TRAPPC9: variants seen among roughly 807,000 people sequenced by gnomAD.
The protein encoded by TRAPPC9 is trafficking protein particle complex subunit 9.
TRAPPC9 carries 83 observed loss-of-function variants against 124.0 expected under a neutral mutation model. The ratio of observed to expected loss-of-function variants is 0.67; its 90% confidence interval spans 0.56 to 0.80. The LOEUF (loss-of-function observed/expected upper bound fraction) is 0.80. Among genes scored for constraint, TRAPPC9 ranks in the 30% least tolerant of loss-of-function variants. The pLI is 0.00. For synonymous variants in TRAPPC9, 638 were observed against 617.5 expected, an observed-to-expected ratio of 1.03 and a Z score of -0.49; for missense variants, 1,302 against 1,508.3, an observed-to-expected ratio of 0.86 and a Z score of 2.27.
intron 17 of TRAPPC9, among the ~76,000 whole-genome samples, chr8:140,027,642 A>T (rs1391052410): frequency 6.6e-6 from 1 of 152,196 alleles, no homozygotes; most frequent in Non-Finnish European, 1.5e-5. Flanking sequence ...TCAAGCACAG[A>T]AAAGTTGTAT....
chr8:139,835,537 C>T (rs988984274), intron 21 of TRAPPC9, among the ~76,000 whole-genome samples: 3 of 152,290 alleles, frequency 2.0e-5, no homozygotes, highest in Non-Finnish European at 2.9e-5. Context: ...TTTGTATCCA[C>T]GAGACATCCT....
chr8:139,906,233 A>C (rs10875446), intron 20 of TRAPPC9, among the ~76,000 whole-genome samples: 99,437 of 152,254 alleles, frequency 0.65, 34,546 homozygotes, highest in African/African-American at 0.91. Context: ...CCACCTCCCC[A>C]ACAACAGGTC....
chr8:140,434,276 A>G (rs765831042), intron 4 of TRAPPC9, among the ~76,000 whole-genome samples: 1 of 152,200 alleles, frequency 6.6e-6, no homozygotes, highest in Non-Finnish European at 1.5e-5. Flanking sequence ...CCTATGCAAC[A>G]TGATGACTAA....
chr8:140,238,597 G>A (rs1324078242), intron 16 of TRAPPC9: 2 of 152,238 alleles, frequency 1.3e-5, no homozygotes, highest in Non-Finnish European at 2.9e-5. Flanking sequence ...TCAGAACAAA[G>A]GCGGATAACC....
intron 7 of TRAPPC9, among the ~76,000 whole-genome samples, chr8:140,372,708 G>A (rs1001087918): frequency 6.6e-6 from 1 of 152,208 alleles, no homozygotes; most frequent in Non-Finnish European, 1.5e-5. Context: ...TAAAGAGCTA[G>A]CTCACCTGTT....
At chr8:140,394,511 G>T (rs2069029689) in intron 7 of TRAPPC9, among the ~76,000 whole-genome samples, 1 of 152,214 alleles carries the variant, frequency 6.6e-6, no homozygotes, top group African/African-American at 2.4e-5. Context: ...TTGTGCTCAA[G>T]GTTATGCAGC....
chr8:139,745,134 C>T (rs1818804530), intron 21 of TRAPPC9, among the ~76,000 whole-genome samples: 1 of 152,346 alleles, frequency 6.6e-6, no homozygotes, highest in South Asian at 2.1e-4. Context: ...GGTGAAACAC[C>T]GTCACCAACA....
intron 2 of TRAPPC9, among the ~76,000 whole-genome samples, chr8:140,440,074 C>A (rs1361153330): frequency 6.6e-6 from 1 of 152,126 alleles, no homozygotes; most frequent in Non-Finnish European, 1.5e-5. Flanking sequence ...TTAGCATTTC[C>A]ATTCTGAATA....
rs145257447 is a variant in TRAPPC9 at position 140,449,744 on chromosome 8, T to G, written c.584+1046A>C. ...CATCAGGAGGGAAAAAGTAGCCACA[T>G]ACGCAGGGTGCACAGCCTGGCAATC... On this transcript the variant is annotated intron_variant, in intron 2 of 22. Coordinates refer to ENST00000438773, the MANE Select transcript of TRAPPC9 (RefSeq NM_001160372.4). Among the ~76,000 whole-genome samples, 1,091 of 152,298 alleles carry G rather than the reference T, an allele frequency of 7.2e-3. 13 individuals are homozygous for G. Among genetic ancestry groups the G allele is most frequent in the Middle Eastern group, 0.01 (3 of 294 alleles).
intron 21 of TRAPPC9, among the ~76,000 whole-genome samples, chr8:139,747,286 T>G (rs1461590145): frequency 6.6e-6 from 1 of 151,990 alleles, no homozygotes. Context: ...GCCAATCAGA[T>G]CATACACGTG....
chr8:139,920,573 A>AGC (rs1832444711), intron 19 of TRAPPC9, among the ~76,000 whole-genome samples: 1 of 152,228 alleles, frequency 6.6e-6, no homozygotes, highest in East Asian at 1.9e-4. Flanking sequence ...CAGGGCACAC[A>AGC]GCTGGGGCTC....
intron 19 of TRAPPC9, among the ~76,000 whole-genome samples, chr8:139,923,678 G>A (rs1044641583): frequency 4.6e-5 from 7 of 152,322 alleles, no homozygotes; most frequent in African/African-American, 1.7e-4. Flanking sequence ...GGAGACAGAA[G>A]GTCTGTGTGT....
At chr8:139,843,556 T>G (rs1417034390) in intron 21 of TRAPPC9, among the ~76,000 whole-genome samples, 5 of 152,180 alleles carry the variant, frequency 3.3e-5, no homozygotes, top group East Asian at 3.9e-4. Context: ...GACAGGAAGC[T>G]CATCCTGAAT....
chr8:139,763,970 C>T (rs1056337549), intron 21 of TRAPPC9, among the ~76,000 whole-genome samples: 2 of 152,166 alleles, frequency 1.3e-5, no homozygotes, highest in Non-Finnish European at 2.9e-5. Flanking sequence ...TTGATCTTGG[C>T]CTTGTGAAGG....
rs889076406 is a variant in TRAPPC9, at chr8:139,831,631, C to T, written c.3055+54248G>A. Among the ~76,000 whole-genome samples, 6 of 152,292 alleles carry T rather than the reference C, an allele frequency of 3.9e-5. No individual in the cohort carries two copies. In the East Asian group the frequency reaches 7.8e-4, roughly 20 times the overall value. On this transcript the variant is annotated intron_variant, in intron 21 of 22. Coordinates refer to ENST00000438773, the MANE Select transcript of TRAPPC9 (RefSeq NM_001160372.4). Reference sequence around the variant, plus strand: ...CCACAGCCTGTGGGAACACCCCCACCGCCGCAGCCTGTGCCAGCCTCTCCA... The same window carrying T: ...CCACAGCCTGTGGGAACACCCCCACTGCCGCAGCCTGTGCCAGCCTCTCCA...
At chr8:140,084,049 C>T (rs1051910462) in intron 17 of TRAPPC9, among the ~76,000 whole-genome samples, 1 of 152,088 alleles carries the variant, frequency 6.6e-6, no homozygotes, top group Non-Finnish European at 1.5e-5. Context: ...TCACAGGCAC[C>T]ATCATCCAAG....
intron 9 of TRAPPC9, among the ~76,000 whole-genome samples, chr8:140,335,000 A>C (rs998901296): frequency 1.3e-5 from 2 of 152,186 alleles, no homozygotes; most frequent in African/African-American, 4.8e-5. Flanking sequence ...AGTGTATCTG[A>C]AGTATAGGTT....
Position 140,371,119 on chromosome 8 carries a change from C to T in TRAPPC9, c.1196G>A (p.Gly399Asp), listed in dbSNP as rs376272150. Residue 399 changes from glycine to aspartate, a missense_variant, in exon 8 of 23, where the codon GGC becomes GAC. By Grantham distance (94) the Gly-to-Asp change is moderately conservative. Transcript: ENST00000438773. ...GAAGAACGCAGACTTGCGATGGAAG[C>T]CGATCAGCTCATAGAGCTCGGAGAG... The part of the protein sequence containing the change: ...SILSELYELI[G>D]FHRKSAFFKR... The T allele has an allele frequency of 1.4e-4, 225 of 1,613,996 alleles. No individual in the cohort carries two copies. Among genetic ancestry groups the T allele is most frequent in the Non-Finnish European group, 1.7e-4 (205 of 1,180,040 alleles).
At chr8:139,803,594 T>C (rs1036058546) in intron 21 of TRAPPC9, among the ~76,000 whole-genome samples, 7 of 152,226 alleles carry the variant, frequency 4.6e-5, no homozygotes, top group African/African-American at 1.7e-4. Context: ...CAACACCTCA[T>C]GTCTCATGTT....
Sources: gnomAD v4.1 joint callset for allele counts (sites outside exome capture counted in the v4.1 genomes callset) on GRCh38, gnomAD v4.1.1 for gene constraint, MANE v1.5 for transcripts, NCBI Gene and HGNC (gene_info 2026-07-23, HGNC 2026-07-21) for gene names.